The following PTPRK variants were observed in gnomAD, a reference collection of about 807,000 sequenced individuals.
The protein encoded by PTPRK is protein tyrosine phosphatase receptor type K.
PTPRK carries 75 observed loss-of-function variants against 178.0 expected under a neutral mutation model. That is an observed-to-expected ratio of 0.42 (90% confidence interval 0.35 to 0.51). PTPRK has a LOEUF of 0.51. PTPRK is among the 20% of genes least tolerant of loss of function. The pLI, the probability that PTPRK is intolerant of heterozygous loss-of-function variation, is 0.02. For missense variants in PTPRK, 1,441 were observed against 1,797.8 expected (o/e 0.80, Z 3.59); for synonymous variants, 637 against 620.6 (o/e 1.03, Z -0.39).
chr6:128,067,505 T>C lies in PTPRK; in HGVS notation c.2157+14A>G, dbSNP rs775230387. On this transcript the variant is annotated intron_variant, in intron 12 of 29. Coordinates refer to ENST00000368226, the MANE Select transcript of PTPRK (RefSeq NM_002844.4). ...TTCAAAGCAGGGAAAAAGCAAATCC[T>C]GGAGGAAGCTCACCTTCTCCACACT... 4.8e-6 allele frequency: 7 copies of C among 1,471,064 alleles called. No homozygotes were observed. In the African/African-American group the frequency reaches 5.6e-5, roughly 12 times the overall value. The allele number at this position is 1,471,064 out of a possible 1,614,324, so 91.1% of individuals were successfully genotyped here.
intron 1 of PTPRK, among the ~76,000 whole-genome samples, chr6:128,455,278 G>T (rs565066576): frequency 6.6e-6 from 1 of 152,138 alleles, no homozygotes; most frequent in South Asian, 2.1e-4. Flanking sequence ...TCCAAAATGG[G>T]TATATTTGCT....
intron 6 of PTPRK, among the ~76,000 whole-genome samples, chr6:128,188,564 T>A (rs879780194): frequency 6.6e-6 from 1 of 152,204 alleles, no homozygotes; most frequent in Non-Finnish European, 1.5e-5. Context: ...GTAAGATTAG[T>A]CCTACCACTA....
At chr6:128,309,872 C>G (rs1279827951) in intron 3 of PTPRK, among the ~76,000 whole-genome samples, 2 of 150,642 alleles carry the variant, frequency 1.3e-5, no homozygotes, top group African/African-American at 4.9e-5. Context: ...AATATGATCA[C>G]AAAAAATGGT....
At chr6:128,424,944 T>C (rs1843932884) in intron 1 of PTPRK, among the ~76,000 whole-genome samples, 1 of 152,084 alleles carries the variant, frequency 6.6e-6, no homozygotes, top group Admixed American at 6.5e-5. Flanking sequence ...TTTCCTTTTT[T>C]TCTTTTTTTT....
intron 1 of PTPRK, among the ~76,000 whole-genome samples, chr6:128,410,377 A>G (rs1208742780): frequency 6.6e-6 from 1 of 152,216 alleles, no homozygotes; most frequent in East Asian, 1.9e-4. Flanking sequence ...GTTCACCCTC[A>G]GTCCCCTTTA....
At chr6:128,273,654 G>A (rs1310388949) in intron 3 of PTPRK, among the ~76,000 whole-genome samples, 2 of 152,182 alleles carry the variant, frequency 1.3e-5, no homozygotes, top group Non-Finnish European at 1.5e-5. Context: ...AAACGTGTAA[G>A]TGTCCTGGGC....
intron 7 of PTPRK, among the ~76,000 whole-genome samples, chr6:128,109,088 A>C (rs1349330196): frequency 6.6e-6 from 1 of 152,202 alleles, no homozygotes; most frequent in African/African-American, 2.4e-5. Context: ...CATTTAAAAA[A>C]AACTACCATG....
At chr6:128,439,179 A>G (rs1217305338) in intron 1 of PTPRK, among the ~76,000 whole-genome samples, 2 of 152,162 alleles carry the variant, frequency 1.3e-5, no homozygotes, top group Non-Finnish European at 2.9e-5. Flanking sequence ...AAATTGATTG[A>G]ACAGTTATGC....
chr6:128,385,226 A>G (rs1838532534), intron 2 of PTPRK, among the ~76,000 whole-genome samples: 1 of 151,900 alleles, frequency 6.6e-6, no homozygotes, highest in Non-Finnish European at 1.5e-5. Context: ...CAAATTCAGA[A>G]AAAATAAAAA....
At position 128,445,200 on chromosome 6, in the gene PTPRK, T is replaced by TTATATATA. The variant is rs779511665; in HGVS notation, c.101-47520_101-47513dup. On this transcript the variant is annotated intron_variant, in intron 1 of 29. Transcript: ENST00000368226. ...AAGACCCCCAACTCTACTATTTTAT[T>TTATATATA]TATATATATATATATATATAATTTA... Among the ~76,000 whole-genome samples, 575 of 132,368 alleles carry TTATATATA rather than the reference T, an allele frequency of 4.3e-3. 5 individuals are homozygous for TTATATATA. The highest frequency in any genetic ancestry group is 0.017 in the African/African-American group (541 of 32,224). The allele number at this position is 132,368 out of a possible 152,430, so 86.8% of individuals were successfully genotyped here. A position where few individuals can be genotyped will look rare whatever the true frequency, so the allele number is the denominator to read the frequency against.
chr6:128,343,613 A>C (rs578203214), intron 2 of PTPRK, among the ~76,000 whole-genome samples: 1 of 152,268 alleles, frequency 6.6e-6, no homozygotes, highest in African/African-American at 2.4e-5. Flanking sequence ...CTAGAATATG[A>C]ATGCATTTAA....
intron 1 of PTPRK, among the ~76,000 whole-genome samples, chr6:128,450,733 C>A (rs916391995): frequency 2.6e-5 from 4 of 152,174 alleles, no homozygotes; most frequent in Admixed American, 6.5e-5. Flanking sequence ...GTAAATAGAA[C>A]GCAGTTTCAC....
chr6:128,389,449 A>G (rs1220828294), intron 2 of PTPRK, among the ~76,000 whole-genome samples: 4 of 128,918 alleles, frequency 3.1e-5, no homozygotes, highest in Non-Finnish European at 5.0e-5. Flanking sequence ...GTGTGTATGT[A>G]TTTCCCTGGC....
intron 5 of PTPRK, among the ~76,000 whole-genome samples, chr6:128,228,576 C>T (rs372067007): frequency 1.3e-5 from 2 of 149,342 alleles, no homozygotes; most frequent in East Asian, 2.0e-4. Flanking sequence ...AGGAGAATGG[C>T]GTGAACCCGG....
intron 1 of PTPRK, among the ~76,000 whole-genome samples, chr6:128,464,429 C>A (rs1018169062): frequency 1.3e-5 from 2 of 150,842 alleles, no homozygotes; most frequent in African/African-American, 4.9e-5. Flanking sequence ...GTGTGATCTG[C>A]CTTAGGAGAT....
chr6:128,219,174 C>A (rs1309871942), intron 5 of PTPRK, 78 bp from the exon 6 acceptor site: 1 of 1,310,746 alleles, frequency 7.6e-7, no homozygotes, highest in African/African-American at 1.5e-5. Context: ...CAAGCAATAT[C>A]TGTGATAAAT....
intron 2 of PTPRK, among the ~76,000 whole-genome samples, chr6:128,378,523 T>C (rs374036953): frequency 6.6e-6 from 1 of 152,054 alleles, no homozygotes; most frequent in East Asian, 1.9e-4. Context: ...TTTTGTTTCA[T>C]TCATATACAT....
chr6:128,294,786 T>G (rs1458172685), intron 3 of PTPRK, among the ~76,000 whole-genome samples: 1 of 152,110 alleles, frequency 6.6e-6, no homozygotes, highest in African/African-American at 2.4e-5. Context: ...GTTTCCATAA[T>G]ATGTGTATAA....
intron 21 of PTPRK, 64 bp downstream of exon 21, chr6:127,990,705 A>G (rs939083219): frequency 3.8e-5 from 40 of 1,063,378 alleles, no homozygotes; most frequent in Admixed American, 3.1e-4. Context: ...AGAACTTGGC[A>G]AAGATTTTAA....
Sources: gnomAD v4.1 joint callset for allele counts (sites outside exome capture counted in the v4.1 genomes callset) on GRCh38, gnomAD v4.1.1 for gene constraint, MANE v1.5 for transcripts, NCBI Gene and HGNC (gene_info 2026-07-23, HGNC 2026-07-21) for gene names.